Variants in UNC13B observed in about 807,000 individuals in gnomAD.
UNC13B encodes the protein protein unc-13 homolog B.
Under a neutral mutation model 211.0 loss-of-function variants are expected in UNC13B, and 144 were observed. The ratio of observed to expected loss-of-function variants is 0.68; its 90% CI spans 0.60 to 0.78. The LOEUF is 0.78. UNC13B is among the 30% of genes least tolerant of loss of function. The pLI is 0.00. For synonymous variants in UNC13B, 709 were observed against 725.8 expected (o/e 0.98, Z 0.37); for missense variants, 1,777 against 2,002.0 (o/e 0.89, Z 2.14).
intron 11 of UNC13B, among the ~76,000 whole-genome samples, chr9:35,319,563 TCTTCCTC>T (rs1830636304): frequency 6.6e-6 from 1 of 152,146 alleles, no homozygotes; most frequent in Non-Finnish European, 1.5e-5. Context: ...ATCCCTGCCA[TCTTCCTC>T]CTTCCTCCCT....
chr9:35,195,068 A>G (rs947227191), intron 1 of UNC13B, among the ~76,000 whole-genome samples: 2 of 38,280 alleles, frequency 5.2e-5, no homozygotes, highest in Non-Finnish European at 1.1e-4. Flanking sequence ...AAGGCTGGCC[A>G]CCCCACCCTA....
At chr9:35,324,599 C>T (rs1193806681) in intron 11 of UNC13B, among the ~76,000 whole-genome samples, 1 of 152,154 alleles carries the variant, frequency 6.6e-6, no homozygotes, top group African/African-American at 2.4e-5. Context: ...TTAGTGGTTG[C>T]TTTTCAGTGT....
intron 1 of UNC13B, among the ~76,000 whole-genome samples, chr9:35,216,122 A>C (rs1824231382): frequency 6.6e-6 from 1 of 152,222 alleles, no homozygotes; most frequent in South Asian, 2.1e-4. Context: ...TAATCATCTA[A>C]AATCTGTAGC....
chr9:35,191,303 G>A (rs781397883), intron 1 of UNC13B, among the ~76,000 whole-genome samples: 3 of 152,116 alleles, frequency 2.0e-5, no homozygotes, highest in Non-Finnish European at 4.4e-5. Flanking sequence ...AACTCTCATT[G>A]CAAAATTGTG....
rs544405170 is a variant in UNC13B, at chr9:35,353,834, G to A, written c.9415-13113G>A. 4 of 1,226,606 alleles carry A rather than the reference G, an allele frequency of 3.3e-6. No individual in the cohort carries two copies. In the East Asian group the frequency reaches 1.3e-4, roughly 39 times the overall value. The allele number at this position is 1,226,606 out of a possible 1,614,324, so 76.0% of individuals were successfully genotyped here. On this transcript the variant is annotated intron_variant, in intron 11 of 39. Coordinates refer to ENST00000635942, the MANE Select transcript of UNC13B (RefSeq NM_001371189.2). ...AGGTATTCTGAGTCACTATTTAACA[G>A]GGTCCCAGCTGGCTAAAGTATGACC...
At chr9:35,198,480 A>G (rs1823070586) in intron 1 of UNC13B, among the ~76,000 whole-genome samples, 1 of 152,192 alleles carries the variant, frequency 6.6e-6, no homozygotes, top group African/African-American at 2.4e-5. Flanking sequence ...TTTTCTTTAT[A>G]CAGTATGTAG....
At chr9:35,242,344 A>G (rs993007776) in intron 5 of UNC13B, among the ~76,000 whole-genome samples, 14 of 152,198 alleles carry the variant, frequency 9.2e-5, no homozygotes, top group African/African-American at 2.9e-4. Flanking sequence ...TTAAGTGTAC[A>G]GTTCACTAGT....
intron 1 of UNC13B, among the ~76,000 whole-genome samples, chr9:35,179,028 T>A (rs1443304850): frequency 6.6e-6 from 1 of 152,140 alleles, no homozygotes. Context: ...AACCTTGTTA[T>A]CCTCATTTTA....
chr9:35,255,097 A>T (rs1341121169), intron 6 of UNC13B, among the ~76,000 whole-genome samples: 3 of 128,130 alleles, frequency 2.3e-5, no homozygotes, highest in Non-Finnish European at 3.2e-5. Context: ...TATATATATT[A>T]TATATATTTT....
intron 11 of UNC13B, among the ~76,000 whole-genome samples, chr9:35,357,332 T>A (rs1045629819): frequency 6.6e-6 from 1 of 152,236 alleles, no homozygotes; most frequent in African/African-American, 2.4e-5. Context: ...TGACTAATGA[T>A]GTTGAGCATC....
Position 35,403,736 on chromosome 9 carries a change from T to C in UNC13B, c.12738-12T>C, listed in dbSNP as rs1269417443. ...CAACTCTGGCCTCATAACTTCTATC[T>C]TGTGCTCACAGCCTCCTGGGAAATG... On this transcript the variant is annotated splice_polypyrimidine_tract_variant and intron_variant, in intron 39 of 39. Coordinates refer to ENST00000635942, the MANE Select transcript of UNC13B (RefSeq NM_001371189.2). 1.2e-6 allele frequency: 2 copies of C among 1,613,728 alleles called. No homozygotes were observed. The highest frequency in any genetic ancestry group is 2.7e-5 in the African/African-American group (2 of 74,874).
rs893090575 is a variant in UNC13B, at chr9:35,210,523, A to C, written c.23-17492A>C. On this transcript the variant is annotated intron_variant, in intron 1 of 39. Coordinates refer to ENST00000635942, the MANE Select transcript of UNC13B (RefSeq NM_001371189.2). ...TATTGTAAACCATTCCCTGTTTAATAAACTTATTTTTTTTTTTTGAGACAG... is the reference window on the plus strand; with the variant it reads ...TATTGTAAACCATTCCCTGTTTAATCAACTTATTTTTTTTTTTTGAGACAG... Among the ~76,000 whole-genome samples, 3 of 67,032 alleles carry C rather than the reference A, an allele frequency of 4.5e-5. No homozygotes were observed. In the Admixed American group the frequency reaches 7.7e-4, roughly 17 times the overall value. The allele number at this position is 67,032 out of a possible 152,430, so 44.0% of individuals were successfully genotyped here.
In UNC13B at chr9:35,375,185, T is replaced by G. The variant is rs1358395826; in HGVS notation, c.9599T>G (p.Leu3200Arg). 3 of 1,613,994 alleles carry G rather than the reference T, an allele frequency of 1.9e-6. No individual in the cohort carries two copies. The highest frequency in any genetic ancestry group is 2.5e-6 in the Non-Finnish European group (3 of 1,179,966). ...ITSAMATRTS[L>R]KDEELKSHVY... ...TCTGCAATGGCTACACGCACTTCTC[T>G]TAAGGACGAAGAGCTGGTAAGTGTC... The change falls in exon 14 of 40, where the codon CTT becomes CGT. Residue 3200 changes from leucine (L) to arginine (R), a missense_variant. Leu to Arg is a moderately radical substitution (Grantham distance 102). Coordinates refer to ENST00000635942, the MANE Select transcript of UNC13B (RefSeq NM_001371189.2).
intron 7 of UNC13B, among the ~76,000 whole-genome samples, chr9:35,259,634 C>A (rs894405910): frequency 6.6e-6 from 1 of 151,922 alleles, no homozygotes; most frequent in Non-Finnish European, 1.5e-5. Flanking sequence ...CAAGATCACA[C>A]AGATTAATTA....
intron 11 of UNC13B, among the ~76,000 whole-genome samples, chr9:35,342,556 A>G: frequency 6.6e-6 from 1 of 152,178 alleles, no homozygotes; most frequent in East Asian, 1.9e-4. Flanking sequence ...TAATCTGACC[A>G]TCCATTCCTC....
Position 35,304,683 on chromosome 9 carries a change from C to A in UNC13B, c.5279C>A (p.Ala1760Asp). Residue 1760 changes from alanine (A) to aspartate (D), a missense_variant, in exon 9 of 40, where the codon GCC becomes GAC. Coordinates refer to ENST00000635942, the MANE Select transcript of UNC13B (RefSeq NM_001371189.2). ...GCTTCAGTATTTTCTGTTTTGGGTG[C>A]CTCAGTTGGTAGTACTTTGAAGTTT... ...KVASVFSVLG[A>D]SVGSTLKFDK... The A allele has an allele frequency of 2.5e-6, 1 of 398,736 alleles. No individual in the cohort carries two copies. Among genetic ancestry groups the A allele is most frequent in the Non-Finnish European group, 4.4e-6 (1 of 225,934 alleles). 24.7% of individuals were successfully genotyped at this position (398,736 alleles called of 1,614,324 possible). A position where few individuals can be genotyped will look rare whatever the true frequency, so the allele number is the denominator to read the frequency against.
intron 1 of UNC13B, among the ~76,000 whole-genome samples, chr9:35,191,254 G>A (rs1180218863): frequency 6.6e-6 from 1 of 152,110 alleles, no homozygotes; most frequent in Non-Finnish European, 1.5e-5. Context: ...GCCCTGCCAG[G>A]TATCAGGTAT....
intron 11 of UNC13B, among the ~76,000 whole-genome samples, chr9:35,339,021 C>T (rs914442124): frequency 2.6e-5 from 4 of 152,182 alleles, no homozygotes; most frequent in Admixed American, 2.6e-4. Flanking sequence ...CCATTCGGCT[C>T]CCCTTTAGAA....
intron 1 of UNC13B, among the ~76,000 whole-genome samples, chr9:35,170,202 G>T (rs567246736): frequency 6.6e-6 from 1 of 151,456 alleles, no homozygotes; most frequent in South Asian, 2.1e-4. Flanking sequence ...GTCTCGTTCT[G>T]TTGCCCAGGT....
Sources: gnomAD v4.1 joint callset for allele counts (sites outside exome capture counted in the v4.1 genomes callset) on GRCh38, gnomAD v4.1.1 for gene constraint, MANE v1.5 for transcripts, NCBI Gene and HGNC (gene_info 2026-07-23, HGNC 2026-07-21) for gene names.